CYP20A1: variants seen among roughly 807,000 people sequenced by gnomAD.
The protein encoded by CYP20A1 is cytochrome P450 20A1.
Under a neutral mutation model 61.4 loss-of-function variants are expected in CYP20A1, and 61 were observed. The observed-to-expected ratio is 0.99, with a 90% confidence interval of 0.81 to 1.23. The LOEUF is 1.23. Ranked by LOEUF, CYP20A1 falls within the 50% of genes most tolerant of loss-of-function variation. The pLI is 0.00. For missense variants in CYP20A1, 530 were observed against 542.4 expected (o/e 0.98, Z 0.23); for synonymous variants, 193 against 188.2 (o/e 1.03, Z -0.21).
At chr2:203,278,529 C>T in intron 6 of CYP20A1, 44 bp from the exon 7 acceptor site, 1 of 898,012 alleles carries the variant, frequency 1.1e-6, no homozygotes, top group Non-Finnish European at 1.7e-6. Context: ...GTTCAGTCTC[C>T]ACTAATGCTT....
intron 5 of CYP20A1, among the ~76,000 whole-genome samples, chr2:203,270,818 C>T (rs2067532720): frequency 6.8e-6 from 1 of 147,000 alleles, no homozygotes; most frequent in Non-Finnish European, 1.5e-5. Flanking sequence ...ATCCTTCCAC[C>T]TCACCCTCCT....
Position 203,302,358 on chromosome 2 carries a change from G to A in CYP20A1, c.*5450G>A, listed in dbSNP as rs188514200. 1.0e-3 allele frequency among the ~76,000 whole-genome samples: 152 copies of A among 152,262 alleles called. No homozygotes were observed. Among genetic ancestry groups the A allele is most frequent in the Non-Finnish European group, 1.8e-3 (123 of 68,010 alleles). ...GACCAGCCTGGGCAACGTGGCAAAA[G>A]CTTGTTTCTATAAAAAAATATAAAA... is the stretch of plus-strand genomic sequence containing the variant. On this transcript the variant is annotated 3_prime_UTR_variant, in exon 13 of 13. Coordinates refer to ENST00000356079, the MANE Select transcript of CYP20A1 (RefSeq NM_177538.3).
At position 203,305,184 on chromosome 2, in the gene CYP20A1, C is replaced by A. The variant is rs562608050; in HGVS notation, c.*8276C>A. ...CTCCCAATTTAATTGGTTTACAGTT[C>A]GGTGGCTGTCTTTTTTTTTTTTTTT... On this transcript the variant is annotated 3_prime_UTR_variant, in exon 13 of 13. Coordinates refer to ENST00000356079, the MANE Select transcript of CYP20A1 (RefSeq NM_177538.3). 2.2e-5 allele frequency among the ~76,000 whole-genome samples: 3 copies of A among 139,346 alleles called. No individual in the cohort carries two copies. The highest frequency in any genetic ancestry group is 7.4e-5 in the Admixed American group (1 of 13,432). 91.4% of individuals were successfully genotyped at this position (139,346 alleles called of 152,430 possible).
At position 203,303,027 on chromosome 2, in the gene CYP20A1, G is replaced by A. The variant is rs2069083513; in HGVS notation, c.*6119G>A. Reference sequence around the variant, plus strand: ...ATTTATTTATTTATTTTGAGATGGAGTCTCGCTGTGTCACCCAGGCTGGAG... The same window carrying A: ...ATTTATTTATTTATTTTGAGATGGAATCTCGCTGTGTCACCCAGGCTGGAG... On this transcript the variant is annotated 3_prime_UTR_variant, in exon 13 of 13. Coordinates refer to ENST00000356079, the MANE Select transcript of CYP20A1 (RefSeq NM_177538.3). Among the ~76,000 whole-genome samples the A allele has an allele frequency of 6.7e-6, 1 of 149,882 alleles. No individual in the cohort carries two copies. The highest frequency in any genetic ancestry group is 2.5e-5 in the African/African-American group (1 of 40,748).
At chr2:203,249,407 T>C (rs548006922) in intron 3 of CYP20A1, among the ~76,000 whole-genome samples, 1 of 152,306 alleles carries the variant, frequency 6.6e-6, no homozygotes, top group East Asian at 1.9e-4. Flanking sequence ...GGTAAAATGT[T>C]GGCCACACAT....
chr2:203,296,381 TTTTAAC>T, intron 11 of CYP20A1, 87 bp from the exon 12 acceptor site: 1 of 695,812 alleles, frequency 1.4e-6, no homozygotes, highest in East Asian at 3.0e-5. Flanking sequence ...TTCAGTTGAT[TTTTAAC>T]TTTGTTACAT....
intron 9 of CYP20A1, among the ~76,000 whole-genome samples, chr2:203,286,150 G>A (rs1020426346): frequency 6.6e-6 from 1 of 152,152 alleles, no homozygotes; most frequent in Non-Finnish European, 1.5e-5. Flanking sequence ...TTGGCCAGAT[G>A]TGCTGGGACG....
chr2:203,301,575 A>T lies in CYP20A1; in HGVS notation c.*4667A>T, dbSNP rs983285997. 3.9e-5 allele frequency among the ~76,000 whole-genome samples: 6 copies of T among 152,084 alleles called. No homozygotes were observed. In the East Asian group the frequency reaches 1.2e-3, roughly 29 times the overall value. ...TGTGAGCCACGGCACCTGGTCCATA[A>T]AACATTTTTTTATGAACTAAAGAGC... On this transcript the variant is annotated 3_prime_UTR_variant, in exon 13 of 13. Transcript: ENST00000356079.
chr2:203,278,237 A>G (rs1402209200), intron 6 of CYP20A1, among the ~76,000 whole-genome samples: 1 of 152,162 alleles, frequency 6.6e-6, no homozygotes, highest in African/African-American at 2.4e-5. Context: ...TCACACCACT[A>G]CACTGCAGCC....
At position 203,240,014 on chromosome 2, in the gene CYP20A1, T is replaced by C. The variant is rs544417320; in HGVS notation, c.72+880T>C. Among the ~76,000 whole-genome samples, 11 of 152,258 alleles carry C rather than the reference T, an allele frequency of 7.2e-5. No homozygotes were observed. The South Asian group carries it at 2.3e-3, about 32-fold the overall frequency. ...AGGAGGCTGAGGCAGGAGAATCGCTTGAACCTGGGAGGCGGAGCTTGCAGT... is the reference window on the plus strand; with the variant it reads ...AGGAGGCTGAGGCAGGAGAATCGCTCGAACCTGGGAGGCGGAGCTTGCAGT... On this transcript the variant is annotated intron_variant, in intron 1 of 12. Transcript: ENST00000356079.
At chr2:203,258,500 G>A (rs150174752) in intron 4 of CYP20A1, among the ~76,000 whole-genome samples, 1 of 151,768 alleles carries the variant, frequency 6.6e-6, no homozygotes, top group African/African-American at 2.4e-5. Context: ...GACTTTCTCA[G>A]TCCACTGTAA....
chr2:203,284,505 A>C (rs1036609906), intron 8 of CYP20A1, among the ~76,000 whole-genome samples: 1 of 152,044 alleles, frequency 6.6e-6, no homozygotes, highest in Non-Finnish European at 1.5e-5. Context: ...TTTTTTCTCA[A>C]CATGTAATTT....
At chr2:203,243,685 C>CTTT (rs36041824) in intron 1 of CYP20A1, among the ~76,000 whole-genome samples, 1 of 75,574 alleles carries the variant, frequency 1.3e-5, no homozygotes, top group African/African-American at 4.9e-5. Flanking sequence ...CGCCTGGCCT[C>CTTT]TTTTTTTTTT....
At position 203,270,325 on chromosome 2, in the gene CYP20A1, C is replaced by T. The variant is rs115092740; in HGVS notation, c.601-2345C>T. 7.9e-3 allele frequency among the ~76,000 whole-genome samples: 1,197 copies of T among 151,658 alleles called. 9 individuals carry two copies. Among genetic ancestry groups the T allele is most frequent in the African/African-American group, 0.028 (1,138 of 41,372 alleles). ...AAACACTTGGGTTTTTTTTTATGTC[C>T]TCTGCCTATATTTCTTCATTATTTT... On this transcript the variant is annotated intron_variant, in intron 5 of 12. Coordinates refer to ENST00000356079, the MANE Select transcript of CYP20A1 (RefSeq NM_177538.3).
chr2:203,261,193 A>C (rs2067122362), intron 4 of CYP20A1, among the ~76,000 whole-genome samples: 1 of 151,650 alleles, frequency 6.6e-6, no homozygotes, highest in Admixed American at 6.6e-5. Context: ...ACATAGTGAG[A>C]CCCCACCTCT....
At chr2:203,289,922 C>G (rs2068460460) in intron 10 of CYP20A1, 46 bp downstream of exon 10, 1 of 993,392 alleles carries the variant, frequency 1.0e-6, no homozygotes, top group African/African-American at 1.6e-5. Flanking sequence ...ATTCTCAACT[C>G]TTTTGGTGTG....
At chr2:203,271,929 G>T (rs2067617098) in intron 5 of CYP20A1, among the ~76,000 whole-genome samples, 1 of 152,130 alleles carries the variant, frequency 6.6e-6, no homozygotes, top group African/African-American at 2.4e-5. Flanking sequence ...AGGGGGCTGA[G>T]GCTGGGAGAA....
intron 3 of CYP20A1, among the ~76,000 whole-genome samples, chr2:203,251,147 G>C (rs916663884): frequency 1.4e-5 from 2 of 145,604 alleles, no homozygotes; most frequent in Non-Finnish European, 3.0e-5. Context: ...GCATTTTGCT[G>C]TCTTTTCTGT....
chr2:203,282,698 T>G (rs12620526), intron 8 of CYP20A1, among the ~76,000 whole-genome samples: 135,979 of 151,952 alleles, frequency 0.89, 61,663 homozygotes, highest in Non-Finnish European at 0.96. Context: ...GTTTTTTAAG[T>G]CTCCTCCGAA....
Sources: gnomAD v4.1 joint callset for allele counts (sites outside exome capture counted in the v4.1 genomes callset) on GRCh38, gnomAD v4.1.1 for gene constraint, MANE v1.5 for transcripts, NCBI Gene and HGNC (gene_info 2026-07-23, HGNC 2026-07-21) for gene names.